ECE1: variants seen among roughly 807,000 people sequenced by gnomAD.
ECE1 encodes endothelin converting enzyme 1, also known as endothelin-converting enzyme 1.
Under a neutral mutation model 98.6 loss-of-function variants are expected in ECE1, and 35 were observed. The ratio of observed to expected loss-of-function variants is 0.35; its 90% confidence interval spans 0.27 to 0.47. The LOEUF is 0.47. ECE1 is among the 20% of genes least tolerant of loss of function. The pLI is 1.00. For missense variants in ECE1, 814 were observed against 1,025.3 expected, an observed-to-expected ratio of 0.79 and a Z score of 2.81; for synonymous variants, 394 against 407.1, an observed-to-expected ratio of 0.97 and a Z score of 0.39.
At chr1:21,254,616 G>A (rs2098217574) in intron 8 of ECE1, among the ~76,000 whole-genome samples, 1 of 152,296 alleles carries the variant, frequency 6.6e-6, no homozygotes, top group Non-Finnish European at 1.5e-5. Flanking sequence ...GGCCACGGTA[G>A]GGGGCTGAGG....
chr1:21,339,967 T>C (rs1249545863), intron 1 of ECE1, among the ~76,000 whole-genome samples: 1 of 152,206 alleles, frequency 6.6e-6, no homozygotes, highest in African/African-American at 2.4e-5. Flanking sequence ...TGGTTGTTCA[T>C]TAAACTGTGC....
At chr1:21,288,455 C>A (rs566058589) in intron 2 of ECE1, among the ~76,000 whole-genome samples, 3 of 152,350 alleles carry the variant, frequency 2.0e-5, no homozygotes, top group Non-Finnish European at 4.4e-5. Flanking sequence ...AGAACTCAAA[C>A]CCGGGTCGCT....
chr1:21,250,736 G>A (rs1000664509), intron 8 of ECE1, among the ~76,000 whole-genome samples: 3 of 152,306 alleles, frequency 2.0e-5, no homozygotes, highest in East Asian at 1.9e-4. Context: ...GGCCGGGCGC[G>A]GTGGCTCACG....
At chr1:21,279,075 C>T in intron 3 of ECE1, 116 bp downstream of exon 3, 1 of 1,577,714 alleles carries the variant, frequency 6.3e-7, no homozygotes, top group Non-Finnish European at 8.7e-7. Flanking sequence ...GGGCCTGGCT[C>T]CCTCCTTAGC....
chr1:21,272,643 C>A, intron 4 of ECE1, 56 bp downstream of exon 4: 2 of 1,606,482 alleles, frequency 1.2e-6, no homozygotes, highest in Non-Finnish European at 1.7e-6. Context: ...GCTGGCTGGG[C>A]CAGCTGACAG....
rs2098251312 is a variant in ECE1 at position 21,279,197 on chromosome 1, G to T, written c.274C>A (p.Gln92Lys). 1 of 1,613,978 alleles carries T rather than the reference G, an allele frequency of 6.2e-7. No individual in the cohort carries two copies. The part of the protein sequence containing the change: ...ACLAALGIQY[Q>K]TRSPSVCLSE... Reference sequence around the variant, plus strand: ...GCAACACGAAGGCACCTACTTGTCTGGTACTGGATGCCCAGTGCTGCCAAG... The same window carrying T: ...GCAACACGAAGGCACCTACTTGTCTTGTACTGGATGCCCAGTGCTGCCAAG... Residue 92 changes from glutamine to lysine, a missense_variant, in exon 3 of 19, where the codon CAG becomes AAG. This residue lies in a region of ECE1 where 257 missense variants were observed against 278.9 expected (regional missense o/e 0.92). Transcript: ENST00000374893.
rs1410381302 is a variant in ECE1, at chr1:21,247,356, G to A, written c.1028C>T (p.Ala343Val). ...AAAAGGCAACCAGTTGATGGCGGGT[G>A]CCAAGGTCTGCAAGGGAAAAGGACA... ...KVTAAELQTL[A>V]PAINWLPFLN... The change falls in exon 9 of 19, where the codon GCA becomes GTA. Residue 343 changes from alanine to valine, a missense_variant. Around this residue, in one of 3 missense-constraint regions of ECE1, gnomAD observed 105 missense variants for 179.1 expected, o/e 0.59. Transcript: ENST00000374893. 6.2e-7 allele frequency: 1 copy of A among 1,614,110 alleles called. No individual in the cohort carries two copies. Among genetic ancestry groups the A allele is most frequent in the Non-Finnish European group, 8.5e-7 (1 of 1,180,050 alleles).
intron 4 of ECE1, among the ~76,000 whole-genome samples, chr1:21,270,056 C>G (rs2098238386): frequency 6.6e-6 from 1 of 152,228 alleles, no homozygotes; most frequent in Admixed American, 6.5e-5. Flanking sequence ...CCAGAACCCA[C>G]ACAATGCACA....
chr1:21,223,007 T>C (rs2098169448), intron 17 of ECE1, among the ~76,000 whole-genome samples: 1 of 151,874 alleles, frequency 6.6e-6, no homozygotes, highest in Non-Finnish European at 1.5e-5. Flanking sequence ...GACAGGGTCT[T>C]ACTGTCACCC....
At chr1:21,341,969 T>C (rs1458270812) in intron 1 of ECE1, among the ~76,000 whole-genome samples, 1 of 152,112 alleles carries the variant, frequency 6.6e-6, no homozygotes, top group Non-Finnish European at 1.5e-5. Context: ...CCCACAGTGT[T>C]TCTACATACA....
chr1:21,266,295 CATCTGGCCAG>C (rs2098233848), intron 4 of ECE1, among the ~76,000 whole-genome samples: 1 of 152,092 alleles, frequency 6.6e-6, no homozygotes, highest in Admixed American at 6.5e-5. Flanking sequence ...GCAGTGGGAC[CATCTGGCCAG>C]GAGCCTGTGG....
intron 2 of ECE1, among the ~76,000 whole-genome samples, chr1:21,287,713 T>A (rs1569663371): frequency 6.6e-6 from 1 of 152,334 alleles, no homozygotes; most frequent in Non-Finnish European, 1.5e-5. Context: ...TGAGGTGTTA[T>A]GATTTTTAAT....
intron 4 of ECE1, among the ~76,000 whole-genome samples, chr1:21,268,252 G>A (rs2098236376): frequency 6.6e-6 from 1 of 152,170 alleles, no homozygotes; most frequent in African/African-American, 2.4e-5. Context: ...TCCAAGGCAG[G>A]GCCAAGTCTA....
chr1:21,244,727 A>G (rs1207313928), intron 10 of ECE1, among the ~76,000 whole-genome samples: 1 of 152,214 alleles, frequency 6.6e-6, no homozygotes, highest in African/African-American at 2.4e-5. Flanking sequence ...AGTGGGGCTA[A>G]TAACAGTACT....
intron 1 of ECE1, among the ~76,000 whole-genome samples, chr1:21,324,502 T>C (rs1353397097): frequency 6.6e-6 from 1 of 152,210 alleles, no homozygotes; most frequent in African/African-American, 2.4e-5. Flanking sequence ...AGAGCTGCCC[T>C]AGAATCCCTT....
chr1:21,282,144 G>T (rs1337294575), intron 2 of ECE1, among the ~76,000 whole-genome samples: 1 of 152,130 alleles, frequency 6.6e-6, no homozygotes, highest in Non-Finnish European at 1.5e-5. Flanking sequence ...AATTAAATTA[G>T]CTAGGCATGG....
At chr1:21,316,027 C>A (rs1425061566) in intron 1 of ECE1, among the ~76,000 whole-genome samples, 1 of 152,164 alleles carries the variant, frequency 6.6e-6, no homozygotes, top group Non-Finnish European at 1.5e-5. Context: ...CTGAGTGCGG[C>A]TGTGTAAGTT....
Position 21,344,532 on chromosome 1 carries a change from C to T in ECE1, c.3+844G>A, listed in dbSNP as rs920254209. Among the ~76,000 whole-genome samples the T allele has an allele frequency of 3.9e-5, 6 of 152,328 alleles. No homozygotes were observed. The East Asian group carries it at 1.2e-3, about 29-fold the overall frequency. On this transcript the variant is annotated intron_variant, in intron 1 of 18. Transcript: ENST00000415912. ...CGGCCCTGGACAAGTGGACAAAGGG[C>T]CTTTGCTCTTGGGGTCCAGGGACAA... is the stretch of plus-strand genomic sequence containing the variant.
chr1:21,297,842 G>GTTTTTTTTTTT (rs761057865), intron 1 of ECE1, among the ~76,000 whole-genome samples: 1 of 132,556 alleles, frequency 7.5e-6, no homozygotes, highest in African/African-American at 2.8e-5. Flanking sequence ...TGTTGTTGTT[G>GTTTTTTTTTTT]TTTTTTTTTT....
Sources: allele counts gnomAD v4.1 joint callset (sites outside exome capture counted in the v4.1 genomes callset), GRCh38; gene constraint gnomAD v4.1.1; regional missense constraint gnomAD v4.1.1; transcripts MANE v1.5; gene names NCBI Gene and HGNC (gene_info 2026-07-23, HGNC 2026-07-21).